Variants in B3GAT2 observed in about 807,000 individuals in gnomAD.
B3GAT2 encodes the protein beta-1,3-glucuronyltransferase 2.
Under a neutral mutation model 27.8 loss-of-function variants are expected in B3GAT2, and 26 were observed. The observed-to-expected ratio is 0.93, with a 90% CI of 0.68 to 1.30. The LOEUF (loss-of-function observed/expected upper bound fraction) is 1.30, where lower values mean the gene tolerates loss of function less well. B3GAT2 is among the 50% of genes most tolerant of loss of function. The pLI, the probability that B3GAT2 is intolerant of heterozygous loss-of-function variation, is 0.00. For synonymous variants in B3GAT2, 218 were observed against 195.1 expected (o/e 1.12, Z -0.98); for missense variants, 458 against 459.0 (o/e 1.00, Z 0.02).
intron 1 of B3GAT2, among the ~76,000 whole-genome samples, chr6:70,922,957 A>G (rs1009216455): frequency 6.6e-6 from 1 of 152,206 alleles, no homozygotes; most frequent in African/African-American, 2.4e-5. Flanking sequence ...AAGACACTGT[A>G]TGACCATTTC....
intron 1 of B3GAT2, among the ~76,000 whole-genome samples, chr6:70,944,818 C>T (rs921398009): frequency 6.6e-6 from 1 of 152,260 alleles, no homozygotes; most frequent in African/African-American, 2.4e-5. Flanking sequence ...CTGGGAGGCA[C>T]CCCCCAGTAG....
chr6:70,926,025 C>A (rs1210504237), intron 1 of B3GAT2, among the ~76,000 whole-genome samples: 2 of 152,184 alleles, frequency 1.3e-5, no homozygotes, highest in Non-Finnish European at 2.9e-5. Flanking sequence ...GACACCCAGG[C>A]AAACAGCGTC....
chr6:70,915,404 G>A (rs1338285123), intron 1 of B3GAT2, among the ~76,000 whole-genome samples: 2 of 152,150 alleles, frequency 1.3e-5, no homozygotes, highest in East Asian at 3.8e-4. Context: ...AAGCTGTTTA[G>A]TTTAATTAGA....
Position 70,861,762 on chromosome 6 carries a change from G to A in B3GAT2, c.886-13C>T. 1.2e-6 allele frequency: 2 copies of A among 1,614,074 alleles called. No homozygotes were observed. Among genetic ancestry groups the A allele is most frequent in the Non-Finnish European group, 1.7e-6 (2 of 1,179,970 alleles). ...GCCACACGAGAACCTGAAGGGGAAGGAAATAGCTTGGGTAGCGCACTCTTC... is the reference window on the plus strand; with the variant it reads ...GCCACACGAGAACCTGAAGGGGAAGAAAATAGCTTGGGTAGCGCACTCTTC... On this transcript the variant is annotated splice_polypyrimidine_tract_variant and intron_variant, in intron 3 of 3. Transcript: ENST00000230053.
At position 70,859,613 on chromosome 6, in the gene B3GAT2, G is replaced by GT. The variant is rs575340332; in HGVS notation, c.*2049dup. ...CCTTCTCTTATCACCAATTTTGGAAGTAAGAGAATCACAGGGTTAAGATGC... is the reference window on the plus strand; with the variant it reads ...CCTTCTCTTATCACCAATTTTGGAAGTTAAGAGAATCACAGGGTTAAGATGC... On this transcript the variant is annotated 3_prime_UTR_variant, in exon 4 of 4. Coordinates refer to ENST00000230053, the MANE Select transcript of B3GAT2 (RefSeq NM_080742.3). 1,902 of 385,898 alleles carry GT rather than the reference G, an allele frequency of 4.9e-3. 15 individuals carry two copies. Among genetic ancestry groups the GT allele is most frequent in the South Asian group, 0.013 (225 of 17,000 alleles). The allele number at this position is 385,898 out of a possible 1,614,324, so 23.9% of individuals were successfully genotyped here.
intron 2 of B3GAT2, among the ~76,000 whole-genome samples, chr6:70,875,016 A>C (rs1771991800): frequency 6.6e-6 from 1 of 152,022 alleles, no homozygotes; most frequent in Non-Finnish European, 1.5e-5. Context: ...AAAAAAAAAA[A>C]ACAAAACTCC....
chr6:70,925,407 C>T (rs577011603), intron 1 of B3GAT2, among the ~76,000 whole-genome samples: 136 of 152,270 alleles, frequency 8.9e-4, no homozygotes, highest in African/African-American at 3.2e-3. Context: ...CAAGGGAAGC[C>T]GTGACAGATG....
At chr6:70,906,775 T>A (rs868375364) in intron 1 of B3GAT2, among the ~76,000 whole-genome samples, 23 of 152,176 alleles carry the variant, frequency 1.5e-4, no homozygotes, top group African/African-American at 5.3e-4. Flanking sequence ...CCACTTAAGA[T>A]CCTTCCACCT....
In B3GAT2 at chr6:70,861,438, A is replaced by G; in HGVS notation, c.*225T>C. ...CTTCCAATTTAGTTGTTGTAGAGAA[A>G]ACATGCAGAACAAATGAAGACAAAA... On this transcript the variant is annotated 3_prime_UTR_variant, in exon 4 of 4. Coordinates refer to ENST00000230053, the MANE Select transcript of B3GAT2 (RefSeq NM_080742.3). 1 of 528,152 alleles carries G rather than the reference A, an allele frequency of 1.9e-6. No individual in the cohort carries two copies. The highest frequency in any genetic ancestry group is 3.1e-5 in the East Asian group (1 of 32,274). The allele number at this position is 528,152 out of a possible 1,614,324, so 32.7% of individuals were successfully genotyped here. A position where few individuals can be genotyped will look rare whatever the true frequency, so the allele number is the denominator to read the frequency against.
Position 70,956,098 on chromosome 6 carries a change from A to T in B3GAT2, c.332T>A (p.Leu111Gln). The T allele has an allele frequency of 6.2e-7, 1 of 1,600,674 alleles. No individual in the cohort carries two copies. The highest frequency in any genetic ancestry group is 8.5e-7 in the Non-Finnish European group (1 of 1,175,154). Residue 111 changes from leucine to glutamine, a missense_variant, in exon 1 of 4, where the codon CTG becomes CAG. Physicochemically the swap from Leu to Gln is moderately radical, Grantham distance 113. Transcript: ENST00000230053. ...CGCGTCCTCCACCAGGATCCAGTGC[A>T]GCTGCGCCACCTGGCGGAACGTGTT... ...LANTFRQVAQLHWILVEDAAA... is the reference protein window; with the variant it reads ...LANTFRQVAQQHWILVEDAAA...
chr6:70,929,703 A>G (rs1002563347), intron 1 of B3GAT2, among the ~76,000 whole-genome samples: 1 of 152,244 alleles, frequency 6.6e-6, no homozygotes, highest in African/African-American at 2.4e-5. Flanking sequence ...GAGGACAAAC[A>G]AATGGAAGAA....
intron 1 of B3GAT2, among the ~76,000 whole-genome samples, chr6:70,943,369 C>G: frequency 6.6e-6 from 1 of 152,226 alleles, no homozygotes. Context: ...CCAAGCACAT[C>G]TCTGTTCCCA....
intron 2 of B3GAT2, among the ~76,000 whole-genome samples, chr6:70,890,729 C>T (rs1772274399): frequency 6.6e-6 from 1 of 152,146 alleles, no homozygotes; most frequent in South Asian, 2.1e-4. Context: ...GCCCTCTAAC[C>T]TGTGGGGTCT....
chr6:70,866,674 C>A (rs1474653227), intron 2 of B3GAT2, among the ~76,000 whole-genome samples: 1 of 152,062 alleles, frequency 6.6e-6, no homozygotes. Context: ...CACACACACA[C>A]CGTACAGAGT....
chr6:70,914,264 T>A (rs1772732723), intron 1 of B3GAT2, among the ~76,000 whole-genome samples: 1 of 152,204 alleles, frequency 6.6e-6, no homozygotes, highest in African/African-American at 2.4e-5. Context: ...GTATTTCTCC[T>A]AACACTACCT....
chr6:70,866,812 C>T (rs1771858918), intron 2 of B3GAT2, among the ~76,000 whole-genome samples: 1 of 152,166 alleles, frequency 6.6e-6, no homozygotes, highest in Non-Finnish European at 1.5e-5. Context: ...ACATTTTCAA[C>T]TACACCTAAA....
chr6:70,889,100 T>A, intron 2 of B3GAT2, among the ~76,000 whole-genome samples: 1 of 152,220 alleles, frequency 6.6e-6, no homozygotes, highest in East Asian at 1.9e-4. Flanking sequence ...TGGCGGACGG[T>A]CAATTCCAAC....
At position 70,858,263 on chromosome 6, in the gene B3GAT2, T is replaced by C; in HGVS notation, c.*3400A>G. The stretch of plus-strand genomic sequence containing the variant: ...CATTTACTTTCTAGCTTCTCCCAAA[T>C]CAAACCAGATTTATTTTCTAAATCT... On this transcript the variant is annotated 3_prime_UTR_variant, in exon 4 of 4. Coordinates refer to ENST00000230053, the MANE Select transcript of B3GAT2 (RefSeq NM_080742.3). 1.8e-6 allele frequency: 1 copy of C among 545,830 alleles called. No homozygotes were observed. Among genetic ancestry groups the C allele is most frequent in the Non-Finnish European group, 3.2e-6 (1 of 311,356 alleles). 33.8% of individuals were successfully genotyped at this position (545,830 alleles called of 1,614,324 possible).
At position 70,920,483 on chromosome 6, in the gene B3GAT2, G is replaced by C. The variant is rs942049666; in HGVS notation, c.592-26211C>G. Among the ~76,000 whole-genome samples the C allele has an allele frequency of 7.9e-5, 12 of 152,326 alleles. No individual in the cohort carries two copies. The East Asian group carries it at 2.3e-3, about 29-fold the overall frequency. On this transcript the variant is annotated intron_variant, in intron 1 of 3. Transcript: ENST00000230053. The stretch of plus-strand genomic sequence containing the variant: ...ACCAGGTACCTCAGTTGGAAATGCA[G>C]AAATTACCTGTCTTCTGCATTGATC...
Sources: gnomAD v4.1 joint callset for allele counts (sites outside exome capture counted in the v4.1 genomes callset) on GRCh38, gnomAD v4.1.1 for gene constraint, MANE v1.5 for transcripts, NCBI Gene and HGNC (gene_info 2026-07-23, HGNC 2026-07-21) for gene names.